GARNL3: variants seen among roughly 807,000 people sequenced by gnomAD.
GARNL3 encodes GTPase activating Rap/RanGAP domain like 3.
In GARNL3, 63 loss-of-function variants were observed where a neutral mutation model predicts 125.0. The observed-to-expected ratio is 0.50, with a 90% CI of 0.41 to 0.62. GARNL3 has a LOEUF of 0.62. GARNL3 is among the 20% of genes least tolerant of loss of function. GARNL3 has a pLI of 0.00. For synonymous variants in GARNL3, 439 were observed against 457.5 expected (o/e 0.96, Z 0.52); for missense variants, 994 against 1,244.0 (o/e 0.80, Z 3.02).
chr9:127,290,014 T>A (rs1403165034), intron 1 of GARNL3, among the ~76,000 whole-genome samples: 1 of 152,172 alleles, frequency 6.6e-6, no homozygotes, highest in East Asian at 1.9e-4. Flanking sequence ...TCTGTTCACA[T>A]CCCAGCTCTA....
In GARNL3 at chr9:127,266,164, ATAGC is replaced by A. The variant is rs2063701163; in HGVS notation, c.144+1146_144+1149del. The stretch of plus-strand genomic sequence containing the variant: ...CCACCTCCCCTGAAGGAGCAGGTGC[ATAGC>A]TATAAGTCAGAGTAGGAATTGGTAC... On this transcript the variant is annotated intron_variant, in intron 1 of 27. Transcript: ENST00000373387. This position sits in a 1 kb window ranked among gnomAD's most constrained non-coding sequence, Gnocchi z 4.0. 6.6e-6 allele frequency among the ~76,000 whole-genome samples: 1 copy of A among 152,208 alleles called. No homozygotes were observed.
chr9:127,386,836 A>T (rs1273995866), intron 24 of GARNL3, among the ~76,000 whole-genome samples: 1 of 152,210 alleles, frequency 6.6e-6, no homozygotes, highest in Non-Finnish European at 1.5e-5. Context: ...GGCCTAACTG[A>T]ATCCCTAAGA....
At chr9:127,322,534 GA>G (rs1272633961) in intron 6 of GARNL3, among the ~76,000 whole-genome samples, 6 of 152,102 alleles carry the variant, frequency 3.9e-5, no homozygotes, top group African/African-American at 1.4e-4. Flanking sequence ...TTAACAAAAG[GA>G]ACCATTTGTG....
Position 127,318,656 on chromosome 9 carries a change from GC to G in GARNL3, c.503+534del, listed in dbSNP as rs144774780. Among the ~76,000 whole-genome samples the G allele has an allele frequency of 5.3e-3, 814 of 152,156 alleles. 23 individuals carry two copies. In the East Asian group the frequency reaches 0.081, roughly 15 times the overall value. Reference sequence around the variant, plus strand: ...TGCTTCCTGCTCAGCCACCTCTCGTGCCCCCACCCTCCCACCTCCCTCTCAT... The same window carrying G: ...TGCTTCCTGCTCAGCCACCTCTCGTGCCCCACCCTCCCACCTCCCTCTCAT... On this transcript the variant is annotated intron_variant, in intron 5 of 27. Transcript: ENST00000373387.
intron 2 of GARNL3, chr9:127,300,399 AT>A (rs2064746726): frequency 1.1e-5 from 4 of 369,370 alleles, no homozygotes; most frequent in Non-Finnish European, 1.6e-5. Context: ...TCTCTTTTGT[AT>A]TTTATTCTTC....
upstream of GARNL3, chr9:127,264,697 A>ATT (rs2063663972): frequency 8.1e-7 from 1 of 1,227,014 alleles, no homozygotes; most frequent in African/African-American, 1.6e-5. Flanking sequence ...AAATGACTAA[A>ATT]TATTTAATTG....
At chr9:127,370,290 G>A (rs1831537593) in intron 22 of GARNL3, among the ~76,000 whole-genome samples, 1 of 152,180 alleles carries the variant, frequency 6.6e-6, no homozygotes, top group Admixed American at 6.5e-5. Flanking sequence ...CGAAGCTCTG[G>A]CTTTCTACAC....
intron 7 of GARNL3, among the ~76,000 whole-genome samples, chr9:127,326,014 G>A (rs774945266): frequency 2.6e-5 from 4 of 152,038 alleles, no homozygotes; most frequent in Non-Finnish European, 4.4e-5. Context: ...CTCTCCAATC[G>A]TCAGCTCCAC....
chr9:127,322,985 A>G (rs775056727), intron 6 of GARNL3, among the ~76,000 whole-genome samples: 1 of 152,180 alleles, frequency 6.6e-6, no homozygotes, highest in Non-Finnish European at 1.5e-5. Flanking sequence ...TGTTTCCTAA[A>G]TGACCAGGTA....
At chr9:127,257,635 G>A (rs1238746283) in intron 2 of GARNL3, among the ~76,000 whole-genome samples, 1 of 152,146 alleles carries the variant, frequency 6.6e-6, no homozygotes, top group African/African-American at 2.4e-5. Context: ...CAGAATTAGA[G>A]AAAAGAGAAG....
chr9:127,320,728 G>A lies in GARNL3; in HGVS notation c.517G>A (p.Asp173Asn). Residue 173 changes from aspartate to asparagine, a missense_variant, in exon 6 of 28, where the codon GAC becomes AAC. Asp to Asn is a conservative substitution (Grantham distance 23). This residue lies in a region of GARNL3 where 139 missense variants were observed against 231.6 expected (regional missense o/e 0.60). Coordinates refer to ENST00000373387, the MANE Select transcript of GARNL3 (RefSeq NM_032293.5). ...VKSILSAMNL[D>N]KFEKGPREIF... is the part of the protein sequence containing the mutation. ...ATTCTATTTCAGTGCCATGAATCTG[G>A]ACAAATTTGAGAAAGGCCCCAGGGA... 6.2e-7 allele frequency: 1 copy of A among 1,612,224 alleles called. No individual in the cohort carries two copies. The highest frequency in any genetic ancestry group is 8.5e-7 in the Non-Finnish European group (1 of 1,178,478).
chr9:127,332,258 T>G lies in GARNL3; in HGVS notation c.595-16T>G, dbSNP rs1829302918. Reference sequence around the variant, plus strand: ...ATGATAAAATTAACTGTAACACCTTTTGTTATTATCCTAAGGGCTCTGTGA... The same window carrying G: ...ATGATAAAATTAACTGTAACACCTTGTGTTATTATCCTAAGGGCTCTGTGA... On this transcript the variant is annotated splice_polypyrimidine_tract_variant and intron_variant, in intron 7 of 27. Coordinates refer to ENST00000373387, the MANE Select transcript of GARNL3 (RefSeq NM_032293.5). 2 of 1,600,470 alleles carry G rather than the reference T, an allele frequency of 1.2e-6. No individual in the cohort carries two copies. Among genetic ancestry groups the G allele is most frequent in the East Asian group, 4.5e-5 (2 of 44,800 alleles).
intron 21 of GARNL3, among the ~76,000 whole-genome samples, chr9:127,358,238 T>C (rs1830792829): frequency 6.6e-6 from 1 of 152,272 alleles, no homozygotes; most frequent in African/African-American, 2.4e-5. Context: ...GCACTGACAC[T>C]GACATTAGCA....
intron 21 of GARNL3, among the ~76,000 whole-genome samples, chr9:127,358,974 T>G (rs920730438): frequency 1.3e-5 from 2 of 148,278 alleles, no homozygotes; most frequent in Non-Finnish European, 3.0e-5. Context: ...TCTGGGGGGG[T>G]GTGGTACTTG....
rs1467689782 is a variant in GARNL3 at position 127,376,506 on chromosome 9, C to T, written c.2162-6932C>T. On this transcript the variant is annotated intron_variant, in intron 22 of 27. Transcript: ENST00000373387. ...GTGCTGAGATTACAGGCATGAGTCA[C>T]CGTGCTGGGCCAGCCTCTTAACATT... 2.0e-5 allele frequency among the ~76,000 whole-genome samples: 3 copies of T among 152,164 alleles called. No homozygotes were observed. The East Asian group carries it at 5.8e-4, about 29-fold the overall frequency.
intron 13 of GARNL3, among the ~76,000 whole-genome samples, chr9:127,341,089 C>T (rs1368383852): frequency 6.6e-6 from 1 of 152,190 alleles, no homozygotes. Context: ...TGGGCTGCCT[C>T]TCTTCCCAGC....
At chr9:127,322,404 A>T (rs540493894) in intron 6 of GARNL3, among the ~76,000 whole-genome samples, 3 of 152,132 alleles carry the variant, frequency 2.0e-5, no homozygotes, top group African/African-American at 7.2e-5. Flanking sequence ...AGGAGAGGAA[A>T]AGAAAAAAAA....
At chr9:127,388,567 T>G in intron 25 of GARNL3, 1 of 340,774 alleles carries the variant, frequency 2.9e-6, no homozygotes, top group Non-Finnish European at 5.5e-6. Context: ...TTTTCATAAA[T>G]TCTTACCACA....
chr9:127,310,254 A>T (rs960278489), intron 2 of GARNL3, among the ~76,000 whole-genome samples: 1 of 152,234 alleles, frequency 6.6e-6, no homozygotes, highest in African/African-American at 2.4e-5. Flanking sequence ...CAAAAGCCAT[A>T]AAGGGAAAAA....
Sources: gnomAD v4.1 joint callset for allele counts (sites outside exome capture counted in the v4.1 genomes callset) on GRCh38, gnomAD v4.1.1 for gene constraint, gnomAD v4.1.1 regional missense constraint, Gnocchi (gnomAD v3.1) non-coding constraint, MANE v1.5 for transcripts, NCBI Gene and HGNC (gene_info 2026-07-23, HGNC 2026-07-21) for gene names.